Variants in POLQ observed in about 807,000 individuals in gnomAD.
POLQ encodes the protein epididymis secretory sperm binding protein.
Under a neutral mutation model 259.2 loss-of-function variants are expected in POLQ, and 233 were observed. That is an observed-to-expected ratio of 0.90 (90% CI 0.81 to 1.00). The LOEUF (loss-of-function observed/expected upper bound fraction) is 1.00. Ranked by LOEUF, POLQ falls within the 50% of genes least tolerant of loss-of-function variation. The pLI is 0.00. For missense variants in POLQ, 2,871 were observed against 3,051.6 expected, an observed-to-expected ratio of 0.94 and a Z score of 1.39; for synonymous variants, 1,025 against 1,048.8, an observed-to-expected ratio of 0.98 and a Z score of 0.44.
At chr3:121,523,511 A>G (rs2048352846) in intron 7 of POLQ, among the ~76,000 whole-genome samples, 1 of 152,136 alleles carries the variant, frequency 6.6e-6, no homozygotes, top group Non-Finnish European at 1.5e-5. Flanking sequence ...CAGGAGTTTG[A>G]GACCAGCCTG....
intron 14 of POLQ, chr3:121,494,631 G>A (rs369809637): frequency 5.2e-5 from 79 of 1,509,854 alleles, no homozygotes; most frequent in Middle Eastern, 2.3e-4. Flanking sequence ...GCCCTGTGTC[G>A]TAAAATGGGG....
Position 121,487,713 on chromosome 3 carries a change from T to C in POLQ, c.5218A>G (p.Ile1740Val), listed in dbSNP as rs376467121. The change falls in exon 16 of 30, where the codon ATT becomes GTT. Residue 1740 changes from isoleucine (I) to valine (V), a missense_variant. Transcript: ENST00000264233. Reference sequence around the variant, plus strand: ...GTCAGCTTAGAAGCAGATGTTGGAATGGGTGTAGGAGGAATGAGACCATTA... The same window carrying C: ...GTCAGCTTAGAAGCAGATGTTGGAACGGGTGTAGGAGGAATGAGACCATTA... ...DDNGLIPPTP[I>V]PTSASKLTFP... 5.6e-6 allele frequency: 9 copies of C among 1,613,862 alleles called. No homozygotes were observed. The African/African-American group carries it at 8.0e-5, about 14-fold the overall frequency.
At chr3:121,496,679 C>A (rs1013926799) in intron 14 of POLQ, 129 bp downstream of exon 14, 1 of 914,092 alleles carries the variant, frequency 1.1e-6, no homozygotes, top group Admixed American at 2.7e-5. Flanking sequence ...CTGATGATGA[C>A]AAGAACTGTA....
intron 20 of POLQ, among the ~76,000 whole-genome samples, chr3:121,476,245 T>C (rs189278958): frequency 3.3e-4 from 50 of 152,240 alleles, no homozygotes; most frequent in African/African-American, 1.1e-3. Context: ...CCAGTACCAA[T>C]CATTTCTTCA....
Position 121,483,586 on chromosome 3 carries a change from T to TTAA in POLQ, c.5774-5_5774-4insTTA. 7.8e-7 allele frequency: 1 copy of TTAA among 1,277,416 alleles called. No homozygotes were observed. The highest frequency in any genetic ancestry group is 1.9e-5 in the South Asian group (1 of 53,130). The allele number at this position is 1,277,416 out of a possible 1,614,324, so 79.1% of individuals were successfully genotyped here. On this transcript the variant is annotated splice_region_variant and splice_polypyrimidine_tract_variant and intron_variant, in intron 17 of 29. Transcript: ENST00000264233. ...GGAACCAAACTGGCACTAATTTCTTTAAAAAAAAAAAAAAAAAGGAAAAAA... is the reference window on the plus strand; with the variant it reads ...GGAACCAAACTGGCACTAATTTCTTTTAAAAAAAAAAAAAAAAAAAGGAAAAAA...
At chr3:121,480,239 T>G (rs1308105822) in intron 19 of POLQ, among the ~76,000 whole-genome samples, 2 of 151,998 alleles carry the variant, frequency 1.3e-5, no homozygotes, top group Non-Finnish European at 2.9e-5. Context: ...CTTACAGTTA[T>G]TAAAGAAATC....
intron 7 of POLQ, among the ~76,000 whole-genome samples, chr3:121,527,880 A>T (rs2048383809): frequency 6.6e-6 from 1 of 152,222 alleles, no homozygotes; most frequent in Non-Finnish European, 1.5e-5. Flanking sequence ...TATGAAATTT[A>T]TGAGACACAA....
At chr3:121,474,112 C>T (rs1410865539) in intron 20 of POLQ, among the ~76,000 whole-genome samples, 2 of 152,204 alleles carry the variant, frequency 1.3e-5, no homozygotes, top group Non-Finnish European at 2.9e-5. Flanking sequence ...AGACTTATTG[C>T]TCTAAGAATT....
At chr3:121,519,497 G>A (rs903169845) in intron 9 of POLQ, among the ~76,000 whole-genome samples, 4 of 148,910 alleles carry the variant, frequency 2.7e-5, no homozygotes, top group African/African-American at 9.8e-5. Context: ...AACATGGTGA[G>A]ACCCCGTCTC....
chr3:121,441,869 T>C (rs1184687088), intron 26 of POLQ, among the ~76,000 whole-genome samples: 1 of 152,226 alleles, frequency 6.6e-6, no homozygotes, highest in Non-Finnish European at 1.5e-5. Flanking sequence ...AAAGACTGTG[T>C]TTTTAATATT....
intron 26 of POLQ, among the ~76,000 whole-genome samples, chr3:121,446,826 C>T (rs1418512516): frequency 1.3e-5 from 2 of 151,936 alleles, no homozygotes; most frequent in Non-Finnish European, 2.9e-5. Flanking sequence ...TATTTTCAGT[C>T]TATATCTTTA....
chr3:121,530,222 C>T (rs1273025403), intron 6 of POLQ, among the ~76,000 whole-genome samples: 1 of 151,794 alleles, frequency 6.6e-6, no homozygotes, highest in African/African-American at 2.4e-5. Context: ...CTTTGGGTGC[C>T]CATACAACTC....
At chr3:121,535,152 A>T (rs550356413) in intron 5 of POLQ, among the ~76,000 whole-genome samples, 149 of 152,310 alleles carry the variant, frequency 9.8e-4, no homozygotes, top group Non-Finnish European at 1.2e-3. Context: ...AGATGTGTTC[A>T]ATTCTCCCTT....
intron 18 of POLQ, among the ~76,000 whole-genome samples, chr3:121,482,970 C>G (rs942499414): frequency 6.6e-6 from 1 of 152,176 alleles, no homozygotes; most frequent in Non-Finnish European, 1.5e-5. Flanking sequence ...TAAATGGCCA[C>G]TAACTACAAT....
At chr3:121,527,406 A>G (rs2048381185) in intron 7 of POLQ, among the ~76,000 whole-genome samples, 1 of 152,098 alleles carries the variant, frequency 6.6e-6, no homozygotes, top group Admixed American at 6.6e-5. Context: ...TATGTTGCCT[A>G]TGCTGGTCTC....
chr3:121,464,712 G>T (rs11705939), intron 24 of POLQ, among the ~76,000 whole-genome samples: 99,600 of 151,996 alleles, frequency 0.66, 32,851 homozygotes, highest in East Asian at 0.89. Context: ...TTTGTTTCAT[G>T]AACAAAATTT....
chr3:121,454,710 C>G (rs1560087989), intron 25 of POLQ, among the ~76,000 whole-genome samples: 1 of 152,198 alleles, frequency 6.6e-6, no homozygotes, highest in African/African-American at 2.4e-5. Flanking sequence ...GTACCCAATA[C>G]AGGAGCACCC....
chr3:121,473,326 C>T, intron 21 of POLQ, 24 bp downstream of exon 21: 2 of 1,600,178 alleles, frequency 1.2e-6, no homozygotes, highest in Non-Finnish European at 1.7e-6. Context: ...TTCTGCCCTG[C>T]TCTGTGACTG....
At position 121,493,525 on chromosome 3, in the gene POLQ, AT is replaced by A; in HGVS notation, c.2474del (p.Asn825IlefsTer7). 1.9e-5 allele frequency: 31 copies of A among 1,613,868 alleles called. No homozygotes were observed. The highest frequency in any genetic ancestry group is 2.6e-5 in the Non-Finnish European group (31 of 1,179,844). The stretch of plus-strand genomic sequence containing the variant: ...TCAGAATCACCTCCACCTCCACAAT[AT>A]TTGCTCTAGCAAGGTCTGCCACAGT... The part of the protein sequence containing the change: ...FHTVADLARA[N>X]IVEVEVILKN... On this transcript the variant is annotated frameshift_variant, in exon 15 of 30. Transcript: ENST00000264233. LOFTEE classifies it high-confidence loss of function.
Sources: gnomAD v4.1 joint callset for allele counts (sites outside exome capture counted in the v4.1 genomes callset) on GRCh38, gnomAD v4.1.1 for gene constraint, MANE v1.5 for transcripts, NCBI Gene and HGNC (gene_info 2026-07-23, HGNC 2026-07-21) for gene names.